COL26A1: variants seen among roughly 807,000 people sequenced by gnomAD.
COL26A1 encodes the protein collagen alpha-1(XXVI) chain.
COL26A1 carries 41 observed loss-of-function variants against 59.3 expected under a neutral mutation model. The ratio of observed to expected loss-of-function variants is 0.69; its 90% CI spans 0.54 to 0.90. COL26A1 has a LOEUF of 0.90. Among genes scored for constraint, COL26A1 ranks in the 40% least tolerant of loss-of-function variants. COL26A1 has a pLI of 0.00. For missense variants in COL26A1, 612 were observed against 602.3 expected, an observed-to-expected ratio of 1.02 and a Z score of -0.17; for synonymous variants, 266 against 256.0, an observed-to-expected ratio of 1.04 and a Z score of -0.37.
At chr7:101,413,127 G>C (rs1467022058) in intron 1 of COL26A1, among the ~76,000 whole-genome samples, 1 of 152,188 alleles carries the variant, frequency 6.6e-6, no homozygotes, top group Non-Finnish European at 1.5e-5. Flanking sequence ...ACGCCTGGTG[G>C]GGTGAAAGTA....
intron 1 of COL26A1, among the ~76,000 whole-genome samples, chr7:101,379,593 G>A (rs1168808586): frequency 1.3e-5 from 2 of 152,318 alleles, no homozygotes; most frequent in South Asian, 2.1e-4. Context: ...ATGAATACAG[G>A]TTGGGTAAAA....
At chr7:101,550,981 GCCATCCTCCTCT>G in intron 9 of COL26A1, 115 bp from the exon 10 acceptor site, 1 of 1,081,956 alleles carries the variant, frequency 9.2e-7, no homozygotes, top group Non-Finnish European at 1.4e-6. Flanking sequence ...TGCCGGCCGG[GCCATCCTCCTCT>G]CCCTTCCTCT....
Position 101,473,119 on chromosome 7 carries a change from G to A in COL26A1, c.385+25332G>A, listed in dbSNP as rs566637802. Reference sequence around the variant, plus strand: ...TTTTGACACGGAGTCTCACTCTGTCGCCCAGGCTGGAGTGCAGTGGCACAA... The same window carrying A: ...TTTTGACACGGAGTCTCACTCTGTCACCCAGGCTGGAGTGCAGTGGCACAA... On this transcript the variant is annotated intron_variant, in intron 3 of 12. Transcript: ENST00000313669. 1.0e-4 allele frequency among the ~76,000 whole-genome samples: 15 copies of A among 149,628 alleles called. No homozygotes were observed. In the East Asian group the frequency reaches 1.4e-3, roughly 14 times the overall value.
At chr7:101,475,009 A>G (rs1793999207) in intron 3 of COL26A1, among the ~76,000 whole-genome samples, 1 of 152,176 alleles carries the variant, frequency 6.6e-6, no homozygotes, top group African/African-American at 2.4e-5. Flanking sequence ...CCTAGTCAAC[A>G]TTGCAAAAAT....
intron 1 of COL26A1, among the ~76,000 whole-genome samples, chr7:101,412,920 C>T (rs1792276652): frequency 6.6e-6 from 1 of 152,174 alleles, no homozygotes; most frequent in African/African-American, 2.4e-5. Flanking sequence ...GAGGCTGCTT[C>T]AGCAGCATCT....
intron 3 of COL26A1, among the ~76,000 whole-genome samples, chr7:101,500,399 T>C (rs1794677664): frequency 6.6e-6 from 1 of 152,254 alleles, no homozygotes; most frequent in Non-Finnish European, 1.5e-5. Context: ...CCGTTGCTTA[T>C]GGTTTTTTCA....
chr7:101,434,184 TTCTC>T (rs750005469), intron 2 of COL26A1, among the ~76,000 whole-genome samples: 4 of 102,840 alleles, frequency 3.9e-5, no homozygotes, highest in African/African-American at 1.2e-4. Flanking sequence ...CCTTCCTTCC[TTCTC>T]TCTCTCTCTC....
intron 2 of COL26A1, among the ~76,000 whole-genome samples, chr7:101,420,806 G>T (rs1437637392): frequency 7.5e-6 from 1 of 133,416 alleles, no homozygotes; most frequent in Non-Finnish European, 1.6e-5. Context: ...GCCCTGACCA[G>T]ACCACAGGCT....
At chr7:101,545,632 C>G in intron 7 of COL26A1, 142 bp downstream of exon 7, 3 of 820,364 alleles carry the variant, frequency 3.7e-6, no homozygotes, top group Non-Finnish European at 5.4e-6. Context: ...TCCTGCAGGC[C>G]TCCTCCAGGA....
At chr7:101,421,165 A>G (rs1015670937) in intron 2 of COL26A1, among the ~76,000 whole-genome samples, 3 of 152,134 alleles carry the variant, frequency 2.0e-5, no homozygotes, top group Non-Finnish European at 4.4e-5. Flanking sequence ...GGCTTGTATG[A>G]TTATGGAGAC....
At chr7:101,541,540 C>T (rs1049569063) in intron 5 of COL26A1, among the ~76,000 whole-genome samples, 5 of 148,748 alleles carry the variant, frequency 3.4e-5, no homozygotes, top group Admixed American at 2.7e-4. Context: ...TTAGTAGAGA[C>T]GAGGTCTCAC....
intron 3 of COL26A1, among the ~76,000 whole-genome samples, chr7:101,494,301 AT>A (rs1224898939): frequency 6.6e-6 from 1 of 151,724 alleles, no homozygotes; most frequent in Non-Finnish European, 1.5e-5. Context: ...TAATTTTTGT[AT>A]TTTTAGTAGG....
intron 1 of COL26A1, among the ~76,000 whole-genome samples, chr7:101,410,857 C>T (rs1420925897): frequency 2.0e-5 from 3 of 151,914 alleles, no homozygotes; most frequent in Non-Finnish European, 2.9e-5. Context: ...GGCACCACAC[C>T]CAGCTAATTT....
intron 1 of COL26A1, 108 bp downstream of exon 1, chr7:101,363,298 G>A (rs1584339225): frequency 1.1e-5 from 11 of 994,232 alleles, no homozygotes; most frequent in South Asian, 1.9e-5. Flanking sequence ...AGAGCGGGGC[G>A]ATCCGGGACT....
At chr7:101,445,700 C>T (rs1392783881) in intron 2 of COL26A1, among the ~76,000 whole-genome samples, 8 of 126,758 alleles carry the variant, frequency 6.3e-5, no homozygotes, top group Non-Finnish European at 1.1e-4. Flanking sequence ...CCACTGCACT[C>T]CAGCCTGGGC....
chr7:101,421,658 A>G (rs1222824264), intron 2 of COL26A1, among the ~76,000 whole-genome samples: 2 of 151,854 alleles, frequency 1.3e-5, no homozygotes, highest in African/African-American at 2.4e-5. Context: ...CTGGAAAAAA[A>G]AAAAAAGAAA....
chr7:101,373,944 C>T (rs182878414), intron 1 of COL26A1, among the ~76,000 whole-genome samples: 14 of 152,298 alleles, frequency 9.2e-5, no homozygotes, highest in African/African-American at 2.6e-4. Context: ...GGCTCGAACT[C>T]GTGTGACACT....
intron 3 of COL26A1, among the ~76,000 whole-genome samples, chr7:101,451,184 CAATA>C (rs1216061820): frequency 7.2e-6 from 1 of 139,804 alleles, no homozygotes; most frequent in Non-Finnish European, 1.5e-5. Context: ...ATATATATCT[CAATA>C]ATTAATATAA....
chr7:101,485,692 G>C (rs779803613), intron 3 of COL26A1, among the ~76,000 whole-genome samples: 9 of 152,150 alleles, frequency 5.9e-5, no homozygotes, highest in African/African-American at 9.7e-5. Context: ...CTCAGGAAAG[G>C]CTCTTTGGTG....
Sources: gnomAD v4.1 joint callset for allele counts (sites outside exome capture counted in the v4.1 genomes callset) on GRCh38, gnomAD v4.1.1 for gene constraint, MANE v1.5 for transcripts, NCBI Gene and HGNC (gene_info 2026-07-23, HGNC 2026-07-21) for gene names.